The following DDX49 variants were observed in gnomAD, a reference collection of about 807,000 sequenced individuals.
The protein encoded by DDX49 is DEAD-box helicase 49, also known as probable ATP-dependent RNA helicase DDX49.
In DDX49, 50 loss-of-function variants were observed where a neutral mutation model predicts 56.3. The observed-to-expected ratio is 0.89, with a 90% CI of 0.71 to 1.12. DDX49 has a LOEUF of 1.12. DDX49 is among the 50% of genes most tolerant of loss of function. The probability of loss-of-function intolerance (pLI) is 0.00; values close to 1 mark genes in which losing one functional copy is unlikely to be tolerated. For missense variants in DDX49, 614 were observed against 650.5 expected (o/e 0.94, Z 0.61); for synonymous variants, 269 against 270.6 (o/e 0.99, Z 0.06).
rs1408731974 is a variant in DDX49, at chr19:18,928,434, C to T, written c.*118C>T. 1.1e-5 allele frequency: 11 copies of T among 1,006,152 alleles called. No individual in the cohort carries two copies. The highest frequency in any genetic ancestry group is 1.6e-5 in the Non-Finnish European group (11 of 709,080). 62.3% of individuals were successfully genotyped at this position (1,006,152 alleles called of 1,614,324 possible). On this transcript the variant is annotated 3_prime_UTR_variant, in exon 13 of 13. Coordinates refer to ENST00000247003, the MANE Select transcript of DDX49 (RefSeq NM_019070.5). Reference sequence around the variant, plus strand: ...CTACCCAGTGCCCCACAGCAGAACCCGTGGGCGCTCGTGTTGTGCGGGCCC... The same window carrying T: ...CTACCCAGTGCCCCACAGCAGAACCTGTGGGCGCTCGTGTTGTGCGGGCCC...
At chr19:18,927,924 C>T (rs1247249906) in intron 11 of DDX49, 41 bp from the exon 12 acceptor site, 1 of 1,613,906 alleles carries the variant, frequency 6.2e-7, no homozygotes, top group East Asian at 2.2e-5. Context: ...CAGGTGGGGC[C>T]CCCGTGACCA....
chr19:18,920,221 T>C (rs1266773149), intron 1 of DDX49, among the ~76,000 whole-genome samples: 1 of 152,220 alleles, frequency 6.6e-6, no homozygotes, highest in African/African-American at 2.4e-5. Flanking sequence ...TCCTTGGTCC[T>C]GTGATTGCTC....
At chr19:18,927,396 C>T (rs949084444) in intron 10 of DDX49, among the ~76,000 whole-genome samples, 1 of 152,016 alleles carries the variant, frequency 6.6e-6, no homozygotes, top group Admixed American at 6.6e-5. Context: ...AAAGAAATAT[C>T]TGGACTTTAA....
chr19:18,928,545 G>C lies in DDX49; in HGVS notation c.*229G>C, dbSNP rs1038140878. ...CTGCAGGGGAAGAAAGAACATGACC[G>C]GGAGGTTGTGACCCCAACCCAAGGT... is the stretch of plus-strand genomic sequence containing the variant. On this transcript the variant is annotated 3_prime_UTR_variant, in exon 13 of 13. Transcript: ENST00000247003. 7.4e-6 allele frequency: 4 copies of C among 538,170 alleles called. No homozygotes were observed. In the East Asian group the frequency reaches 1.3e-4, roughly 17 times the overall value. 33.3% of individuals were successfully genotyped at this position (538,170 alleles called of 1,614,324 possible).
chr19:18,920,529 C>T (rs145421176), intron 1 of DDX49, 51 bp from the exon 2 acceptor site: 1 of 1,546,558 alleles, frequency 6.5e-7, no homozygotes, highest in Non-Finnish European at 8.8e-7. Flanking sequence ...GTCTCTGAAA[C>T]CCAGCTGTCC....
At chr19:18,928,062 G>C (rs1568332137) in intron 12 of DDX49, 26 bp downstream of exon 12, 1 of 1,613,564 alleles carries the variant, frequency 6.2e-7, no homozygotes, top group Non-Finnish European at 8.5e-7. Flanking sequence ...GCAGGTAGGG[G>C]GTGGGTGGCC....
intron 10 of DDX49, 92 bp from the exon 11 acceptor site, chr19:18,927,674 C>A: frequency 9.2e-7 from 1 of 1,092,600 alleles, no homozygotes; most frequent in Non-Finnish European, 1.4e-6. Flanking sequence ...CCTTGCATAC[C>A]CCACAGCATG....
intron 4 of DDX49, 178 bp from the exon 5 acceptor site, chr19:18,922,148 A>G (rs2056922877): frequency 8.6e-7 from 1 of 1,156,576 alleles, no homozygotes; most frequent in Non-Finnish European, 1.2e-6. Context: ...AGTCCTAGCA[A>G]TGTTATTCGG....
chr19:18,920,548 AG>A lies in DDX49; in HGVS notation c.116-29del, dbSNP rs531275843. On this transcript the variant is annotated intron_variant, in intron 1 of 12. Transcript: ENST00000247003. ...CTGAAACCCAGCTGTCCACACATGG[AG>A]GGTGTTGATGCTGCTTTGTCCCCAA... 89 of 1,574,236 alleles carry A rather than the reference AG, an allele frequency of 5.7e-5. No homozygotes were observed. The East Asian group carries it at 9.4e-4, about 17-fold the overall frequency.
rs759169492 is a variant in DDX49 at position 18,920,601 on chromosome 19, CT to C, written c.138del (p.Lys47ArgfsTer30). 13 of 1,609,952 alleles carry C rather than the reference CT, an allele frequency of 8.1e-6. No homozygotes were observed. Among genetic ancestry groups the C allele is most frequent in the Non-Finnish European group, 4.2e-6 (5 of 1,176,670 alleles). On this transcript the variant is annotated frameshift_variant, in exon 2 of 13. Transcript: ENST00000247003. LOFTEE classifies it high-confidence loss of function. Reference protein sequence around the residue: ...ILEGRDCLGCAKTGSGKTAAF... With the variant: ...ILEGRDCLGCXKTGSGKTAAF... ...CCAGGTCGAGACTGCTTGGGCTGTG[CT>C]AAGACAGGCAGTGGGAAGACAGCAG...
intron 7 of DDX49, 126 bp downstream of exon 7, chr19:18,924,434 A>G: frequency 3.6e-6 from 4 of 1,124,702 alleles, no homozygotes; most frequent in Non-Finnish European, 4.0e-6. Flanking sequence ...GTCCCAGAAT[A>G]TCGCAGCTCA....
Position 18,928,185 on chromosome 19 carries a change from CG to C in DDX49, c.1323del (p.Arg442AlafsTer10). The C allele has an allele frequency of 6.3e-7, 1 of 1,586,024 alleles. No homozygotes were observed. The highest frequency in any genetic ancestry group is 8.6e-7 in the Non-Finnish European group (1 of 1,166,176). On this transcript the variant is annotated frameshift_variant, in exon 13 of 13. Transcript: ENST00000247003. LOFTEE classifies it low-confidence loss of function (END_TRUNC). ...GCTGGCCAAGATCAAGCAGAAGAAC[CG>C]GCGCTTCAAGGAGAAGGTGGAGGAG... Reference protein sequence around the residue: ...AELAKIKQKNRRFKEKVEETL... With the variant: ...AELAKIKQKNXRFKEKVEETL...
Position 18,920,687 on chromosome 19 carries a change from G to C in DDX49, c.223G>C (p.Val75Leu). The change falls in exon 2 of 13, where the codon GTC becomes CTC. Residue 75 changes from valine to leucine, a missense_variant. Coordinates refer to ENST00000247003, the MANE Select transcript of DDX49 (RefSeq NM_019070.5). ...SEDPYGIFCL[V>L]LTPTRELAYQ... ...GGATCCCTATGGCATCTTCTGCCTCGTCCTGACACCCACCAGGTAAGCCCC... is the reference window on the plus strand; with the variant it reads ...GGATCCCTATGGCATCTTCTGCCTCCTCCTGACACCCACCAGGTAAGCCCC... The C allele has an allele frequency of 6.2e-7, 1 of 1,604,378 alleles. No homozygotes were observed. Among genetic ancestry groups the C allele is most frequent in the Non-Finnish European group, 8.5e-7 (1 of 1,172,106 alleles).
At chr19:18,925,683 T>C (rs1406054317) in intron 9 of DDX49, among the ~76,000 whole-genome samples, 2 of 151,944 alleles carry the variant, frequency 1.3e-5, no homozygotes, top group Middle Eastern at 3.4e-3. Flanking sequence ...CCTGGGAGGG[T>C]GCACACACAG....
At position 18,924,909 on chromosome 19, in the gene DDX49, G is replaced by A. The variant is rs1363191089; in HGVS notation, c.957G>A (p.Val319=). ...GCCTGGACATCCCTACGGTACAGGT[G>A]GTCATCAACCACAACACCCCCGGGC... is the stretch of plus-strand genomic sequence containing the variant. ...SRGLDIPTVQ[V]VINHNTPGLP... The change falls in exon 9 of 13, where the codon GTG becomes GTA. Residue 319 remains valine, a synonymous_variant. Coordinates refer to ENST00000247003, the MANE Select transcript of DDX49 (RefSeq NM_019070.5). The A allele has an allele frequency of 6.2e-7, 1 of 1,613,076 alleles. No homozygotes were observed. The highest frequency in any genetic ancestry group is 8.5e-7 in the Non-Finnish European group (1 of 1,179,998).
intron 12 of DDX49, 39 bp downstream of exon 12, chr19:18,928,075 G>T: frequency 6.2e-7 from 1 of 1,613,024 alleles, no homozygotes; most frequent in Non-Finnish European, 8.5e-7. Context: ...GGGTGGCCAG[G>T]TTCCCTGGCG....
At chr19:18,926,977 G>T (rs780700334) in intron 10 of DDX49, among the ~76,000 whole-genome samples, 1 of 150,998 alleles carries the variant, frequency 6.6e-6, no homozygotes, top group Non-Finnish European at 1.5e-5. Context: ...GGAGGGTGAG[G>T]CATGAGAATT....
intron 8 of DDX49, 57 bp downstream of exon 8, chr19:18,924,756 C>G: frequency 1.9e-6 from 3 of 1,613,546 alleles, no homozygotes; most frequent in Non-Finnish European, 2.5e-6. Flanking sequence ...CAAGGCCCCA[C>G]AGATGAGAAG....
intron 10 of DDX49, among the ~76,000 whole-genome samples, chr19:18,926,929 C>T (rs2056965734): frequency 6.6e-6 from 1 of 150,628 alleles, no homozygotes; most frequent in Admixed American, 6.6e-5. Context: ...AAAAATTAGC[C>T]AGGTGTGGTG....
Sources: allele counts gnomAD v4.1 joint callset (sites outside exome capture counted in the v4.1 genomes callset), GRCh38; gene constraint gnomAD v4.1.1; transcripts MANE v1.5; gene names NCBI Gene and HGNC (gene_info 2026-07-23, HGNC 2026-07-21).